SENP1: variants seen among roughly 807,000 people sequenced by gnomAD.
SENP1 encodes the protein SUMO specific peptidase 1.
Under a neutral mutation model 93.0 loss-of-function variants are expected in SENP1, and 21 were observed. The observed-to-expected ratio is 0.23, with a 90% CI of 0.16 to 0.33. SENP1 has a LOEUF of 0.33. Among genes scored for constraint, SENP1 ranks in the 10% least tolerant of loss-of-function variants. The pLI is 1.00. For missense variants in SENP1, 591 were observed against 758.7 expected (o/e 0.78, Z 2.60); for synonymous variants, 256 against 259.6 (o/e 0.99, Z 0.13).
chr12:48,085,473 G>C (rs547748979), intron 5 of SENP1: 5 of 636,042 alleles, frequency 7.9e-6, no homozygotes, highest in Non-Finnish European at 1.3e-5. Context: ...TCATTCTCAG[G>C]CCTCTCCCCA....
At chr12:48,082,711 T>G (rs746111356) in intron 6 of SENP1, among the ~76,000 whole-genome samples, 4 of 152,184 alleles carry the variant, frequency 2.6e-5, no homozygotes, top group African/African-American at 7.2e-5. Context: ...AAAATTGGCT[T>G]TTTCTTTTAG....
At chr12:48,094,635 G>A (rs1945433804) in intron 4 of SENP1, among the ~76,000 whole-genome samples, 1 of 151,712 alleles carries the variant, frequency 6.6e-6, no homozygotes, top group South Asian at 2.1e-4. Context: ...AGTCAAGATC[G>A]CGCCATTACA....
chr12:48,103,058 T>C (rs1365349868), intron 1 of SENP1, among the ~76,000 whole-genome samples: 1 of 152,202 alleles, frequency 6.6e-6, no homozygotes, highest in Non-Finnish European at 1.5e-5. Flanking sequence ...GAAAAAATCT[T>C]ATCAACTAAT....
rs545061138 is a variant in SENP1 at position 48,085,407 on chromosome 12, G to A, written c.381-1645C>T. 903 of 1,180,720 alleles carry A rather than the reference G, an allele frequency of 7.6e-4. 3 individuals carry two copies. Among genetic ancestry groups the A allele is most frequent in the Admixed American group, 2.0e-3 (100 of 50,568 alleles). The allele number at this position is 1,180,720 out of a possible 1,614,324, so 73.1% of individuals were successfully genotyped here. A position where few individuals can be genotyped will look rare whatever the true frequency, so the allele number is the denominator to read the frequency against. ...GAGGGCCAGGGGCATGTTCACTGCC[G>A]AAGACCTGTGCTAGGGTCTTTGTGT... On this transcript the variant is annotated intron_variant, in intron 5 of 17. Transcript: ENST00000549518.
chr12:48,060,622 C>T (rs1401843646), intron 13 of SENP1, among the ~76,000 whole-genome samples: 1 of 152,148 alleles, frequency 6.6e-6, no homozygotes, highest in Non-Finnish European at 1.5e-5. Flanking sequence ...TTCTGTCACT[C>T]ACCCTGTAGT....
chr12:48,087,674 G>C (rs1179920137), intron 5 of SENP1, among the ~76,000 whole-genome samples: 2 of 152,182 alleles, frequency 1.3e-5, no homozygotes, highest in Non-Finnish European at 2.9e-5. Context: ...CAATGTGAGT[G>C]TATGAGTGAA....
chr12:48,068,563 T>C (rs1201108008), intron 9 of SENP1, among the ~76,000 whole-genome samples: 5 of 152,184 alleles, frequency 3.3e-5, no homozygotes, highest in Admixed American at 1.3e-4. Flanking sequence ...CCAAAGACTG[T>C]GTTCTTTCGA....
intron 10 of SENP1, 34 bp from the exon 11 acceptor site, chr12:48,065,714 A>T: frequency 7.6e-7 from 1 of 1,315,458 alleles, no homozygotes; most frequent in Non-Finnish European, 1.1e-6. Flanking sequence ...CCAAATGTAG[A>T]CCACTCTCAT....
Position 48,074,328 on chromosome 12 carries a change from A to G in SENP1, c.936T>C (p.Ser312=). Residue 312 remains serine (S), a synonymous_variant, in exon 8 of 18, where the codon TCT becomes TCC. Transcript: ENST00000549518. ...GTTATATGATACCATGTTTACCTTC[A>G]GATTGTGTATTTGAAGCTGCTAAGT... ...PDNLAASNTQ[S]EGSDSVILLK... The G allele has an allele frequency of 6.2e-7, 1 of 1,610,338 alleles. No homozygotes were observed. The highest frequency in any genetic ancestry group is 2.2e-5 in the East Asian group (1 of 44,820).
intron 13 of SENP1, among the ~76,000 whole-genome samples, chr12:48,057,789 G>T (rs1202872827): frequency 1.3e-5 from 2 of 150,418 alleles, no homozygotes; most frequent in African/African-American, 4.9e-5. Context: ...AGTAGACAGA[G>T]TTTTGCCATG....
At chr12:48,057,712 GT>G in intron 13 of SENP1, among the ~76,000 whole-genome samples, 1 of 150,436 alleles carries the variant, frequency 6.6e-6, no homozygotes, top group Non-Finnish European at 1.5e-5. Flanking sequence ...CTGGATTCAA[GT>G]GAATCTCCTG....
chr12:48,047,385 C>T (rs74086778), intron 15 of SENP1, among the ~76,000 whole-genome samples: 3,862 of 152,234 alleles, frequency 0.025, 171 homozygotes, highest in African/African-American at 0.085. Context: ...TTTATATGGT[C>T]CTTTAGAACT....
chr12:48,085,828 G>C (rs1486246207), intron 5 of SENP1, among the ~76,000 whole-genome samples: 1 of 152,098 alleles, frequency 6.6e-6, no homozygotes, highest in Non-Finnish European at 1.5e-5. Flanking sequence ...AGATGGCAAG[G>C]GCAGTGCAAT....
chr12:48,052,918 C>T (rs759472926), intron 13 of SENP1, among the ~76,000 whole-genome samples: 1 of 152,060 alleles, frequency 6.6e-6, no homozygotes. Flanking sequence ...CGTAAGTGTA[C>T]AGCAATGGTG....
intron 4 of SENP1, among the ~76,000 whole-genome samples, chr12:48,093,306 T>C (rs780821934): frequency 1.8e-4 from 21 of 118,900 alleles, no homozygotes; most frequent in Non-Finnish European, 2.8e-4. Flanking sequence ...TTTTTGGAAA[T>C]GGAGTCTCAC....
chr12:48,045,535 G>GT (rs1941301076), intron 17 of SENP1, among the ~76,000 whole-genome samples, 151 bp from the exon 18 acceptor site: 1 of 152,092 alleles, frequency 6.6e-6, no homozygotes, highest in African/African-American at 2.4e-5. Flanking sequence ...GTTACATGTA[G>GT]TTTTTTTCTT....
At chr12:48,070,019 A>C (rs148406610) in intron 9 of SENP1, among the ~76,000 whole-genome samples, 1 of 152,182 alleles carries the variant, frequency 6.6e-6, no homozygotes, top group African/African-American at 2.4e-5. Context: ...AATCATAGTA[A>C]TGGTTACTAT....
intron 15 of SENP1, 84 bp downstream of exon 15, chr12:48,047,917 G>C (rs1024831507): frequency 6.1e-6 from 5 of 813,286 alleles, no homozygotes; most frequent in Non-Finnish European, 1.1e-5. Context: ...CTCCATTGAA[G>C]GTATCAAACA....
intron 4 of SENP1, among the ~76,000 whole-genome samples, chr12:48,090,233 G>A (rs543639347): frequency 6.4e-4 from 98 of 152,282 alleles, no homozygotes; most frequent in Non-Finnish European, 1.1e-3. Context: ...TAAAGAACTA[G>A]AAAATTATTA....
Sources: allele counts gnomAD v4.1 joint callset (sites outside exome capture counted in the v4.1 genomes callset), GRCh38; gene constraint gnomAD v4.1.1; transcripts MANE v1.5; gene names NCBI Gene and HGNC (gene_info 2026-07-23, HGNC 2026-07-21).